Variants in SYN2 observed in about 807,000 individuals in gnomAD.
The protein encoded by SYN2 is synapsin-2.
Under a neutral mutation model 50.9 loss-of-function variants are expected in SYN2, and 19 were observed. That is an observed-to-expected ratio of 0.37 (90% CI 0.26 to 0.55). The LOEUF (loss-of-function observed/expected upper bound fraction) is 0.55. Among genes scored for constraint, SYN2 ranks in the 20% least tolerant of loss-of-function variants. The pLI, the probability that SYN2 is intolerant of heterozygous loss-of-function variation, is 0.81. For missense variants in SYN2, 587 were observed against 576.4 expected (o/e 1.02, Z -0.19); for synonymous variants, 255 against 224.9 (o/e 1.13, Z -1.20).
chr3:12,099,418 A>G (rs1696017701), intron 1 of SYN2, among the ~76,000 whole-genome samples: 1 of 152,196 alleles, frequency 6.6e-6, no homozygotes, highest in African/African-American at 2.4e-5. Flanking sequence ...AATTTGAGAA[A>G]TTCACAAATA....
intron 1 of SYN2, among the ~76,000 whole-genome samples, chr3:12,087,171 G>T (rs558811786): frequency 3.2e-4 from 48 of 152,228 alleles, no homozygotes; most frequent in Non-Finnish European, 5.6e-4. Context: ...TGAAAGATCT[G>T]TATATCAAAA....
intron 5 of SYN2, among the ~76,000 whole-genome samples, chr3:12,152,699 T>C (rs1042246924): frequency 2.0e-5 from 3 of 152,116 alleles, no homozygotes; most frequent in African/African-American, 4.8e-5. Flanking sequence ...TTCAGCTCTG[T>C]AAGAAAAAGG....
intron 1 of SYN2, among the ~76,000 whole-genome samples, chr3:12,006,441 G>A (rs1418743541): frequency 6.6e-6 from 1 of 152,190 alleles, no homozygotes; most frequent in Non-Finnish European, 1.5e-5. Flanking sequence ...TTATTACGGA[G>A]GAAGGGAAGG....
At chr3:12,006,342 G>T (rs1345525078) in intron 1 of SYN2, among the ~76,000 whole-genome samples, 2 of 152,232 alleles carry the variant, frequency 1.3e-5, no homozygotes, top group Non-Finnish European at 2.9e-5. Context: ...GCACATGGAA[G>T]AGGGTAATGG....
intron 11 of SYN2, chr3:12,183,893 C>T: frequency 2.0e-6 from 2 of 1,016,760 alleles, no homozygotes; most frequent in Non-Finnish European, 2.3e-6. Context: ...TTTCCCTCCA[C>T]CAGTGTGCTT....
intron 1 of SYN2, among the ~76,000 whole-genome samples, chr3:12,011,038 A>G (rs1008589223): frequency 6.6e-6 from 1 of 152,222 alleles, no homozygotes; most frequent in Non-Finnish European, 1.5e-5. Context: ...AGGTGTACAC[A>G]TAGTGGGAGT....
chr3:12,081,387 A>T (rs1390116453), intron 1 of SYN2, among the ~76,000 whole-genome samples: 1 of 152,204 alleles, frequency 6.6e-6, no homozygotes, highest in Non-Finnish European at 1.5e-5. Flanking sequence ...TAACTGAAAG[A>T]CAATTTGCTT....
At chr3:12,041,817 A>G (rs1414461626) in intron 1 of SYN2, among the ~76,000 whole-genome samples, 2 of 152,150 alleles carry the variant, frequency 1.3e-5, no homozygotes, top group African/African-American at 4.8e-5. Flanking sequence ...TATGTCTGAT[A>G]TTCCTCCCCA....
intron 1 of SYN2, among the ~76,000 whole-genome samples, chr3:12,120,956 CCT>C (rs1332192877): frequency 2.6e-5 from 4 of 152,204 alleles, no homozygotes; most frequent in Admixed American, 1.3e-4. Context: ...GCGCAATCCC[CCT>C]CTGTTATAGT....
chr3:12,024,868 A>G (rs560664532), intron 1 of SYN2, among the ~76,000 whole-genome samples: 24 of 152,232 alleles, frequency 1.6e-4, no homozygotes, highest in Non-Finnish European at 1.8e-4. Flanking sequence ...ACAGTTTTAC[A>G]GAATGATTGT....
At chr3:12,040,582 G>A (rs1190958060) in intron 1 of SYN2, among the ~76,000 whole-genome samples, 2 of 151,748 alleles carry the variant, frequency 1.3e-5, no homozygotes, top group Admixed American at 6.6e-5. Flanking sequence ...ACAGACGCCC[G>A]CCACCACACC....
intron 1 of SYN2, among the ~76,000 whole-genome samples, chr3:12,126,528 A>G (rs1696675348): frequency 6.6e-6 from 1 of 152,198 alleles, no homozygotes; most frequent in African/African-American, 2.4e-5. Context: ...CTCCCAAATG[A>G]AGAAAAAACA....
intron 3 of SYN2, among the ~76,000 whole-genome samples, chr3:12,143,176 G>C (rs899923130): frequency 6.6e-6 from 1 of 152,164 alleles, no homozygotes; most frequent in East Asian, 1.9e-4. Context: ...CTCAATTCCT[G>C]TAACTGGGGT....
rs192395388 is a variant in SYN2 at position 12,169,348 on chromosome 3, G to T, written c.1159-409G>T. Among the ~76,000 whole-genome samples the T allele has an allele frequency of 7.4e-4, 112 of 152,326 alleles. 1 individual carries two copies. Among genetic ancestry groups the T allele is most frequent in the Admixed American group, 1.3e-3 (20 of 15,306 alleles). The stretch of plus-strand genomic sequence containing the variant: ...TGAGCAGAGAGTGCTTGGAGACAGA[G>T]ATTCTGTGGGTGAAAAGTAACAGAG... On this transcript the variant is annotated intron_variant, in intron 9 of 12. Transcript: ENST00000621198.
At chr3:12,147,819 TAAAG>T (rs1471195495) in intron 4 of SYN2, among the ~76,000 whole-genome samples, 1 of 152,130 alleles carries the variant, frequency 6.6e-6, no homozygotes, top group Non-Finnish European at 1.5e-5. Context: ...TGGGTTCTCT[TAAAG>T]AAATTTGTGG....
intron 11 of SYN2, 88 bp downstream of exon 11, chr3:12,183,460 T>C: frequency 6.2e-7 from 1 of 1,609,762 alleles, no homozygotes; most frequent in Non-Finnish European, 8.5e-7. Flanking sequence ...TGGTTAATTT[T>C]TCAAAGCAGA....
At position 12,030,214 on chromosome 3, in the gene SYN2, C is replaced by T. The variant is rs1045972858; in HGVS notation, c.377+25286C>T. On this transcript the variant is annotated intron_variant, in intron 1 of 12. Coordinates refer to ENST00000621198, the MANE Select transcript of SYN2 (RefSeq NM_133625.6). ...TGCGTATATTGAACCAGCCTCGCAT[C>T]CCAGGGATGAAGCCCACTTGATCAT... Among the ~76,000 whole-genome samples, 20 of 119,830 alleles carry T rather than the reference C, an allele frequency of 1.7e-4. 1 individual carries two copies. Among genetic ancestry groups the T allele is most frequent in the African/African-American group, 3.2e-4 (11 of 34,296 alleles). The allele number at this position is 119,830 out of a possible 152,430, so 78.6% of individuals were successfully genotyped here.
At chr3:12,007,474 T>G (rs1250298216) in intron 1 of SYN2, among the ~76,000 whole-genome samples, 1 of 152,250 alleles carries the variant, frequency 6.6e-6, no homozygotes, top group African/African-American at 2.4e-5. Context: ...GAGCAGGTGC[T>G]TGCCGTGACA....
chr3:12,153,173 A>G (rs1190686044), intron 5 of SYN2: 3 of 380,760 alleles, frequency 7.9e-6, no homozygotes, highest in South Asian at 2.7e-5. Context: ...GACATTCGCC[A>G]TTTCTCCCCT....
Sources: gnomAD v4.1 joint callset for allele counts (sites outside exome capture counted in the v4.1 genomes callset) on GRCh38, gnomAD v4.1.1 for gene constraint, MANE v1.5 for transcripts, NCBI Gene and HGNC (gene_info 2026-07-23, HGNC 2026-07-21) for gene names.